Variants in DPP6 observed in about 807,000 individuals in gnomAD.
DPP6 encodes the protein A-type potassium channel modulatory protein DPP6.
Under a neutral mutation model 122.6 loss-of-function variants are expected in DPP6, and 69 were observed. The ratio of observed to expected loss-of-function variants is 0.56; its 90% confidence interval spans 0.46 to 0.69. DPP6 has a LOEUF of 0.69. Ranked by LOEUF, DPP6 falls within the 30% of genes least tolerant of loss-of-function variation. The pLI, the probability that DPP6 is intolerant of heterozygous loss-of-function variation, is 0.00. For synonymous variants in DPP6, 418 were observed against 433.1 expected (o/e 0.97, Z 0.43); for missense variants, 928 against 1,116.9 (o/e 0.83, Z 2.41).
At chr7:153,944,395 T>C (rs1801842130) in intron 1 of DPP6, among the ~76,000 whole-genome samples, 1 of 152,096 alleles carries the variant, frequency 6.6e-6, no homozygotes, top group South Asian at 2.1e-4. Flanking sequence ...TGCCGGGTCA[T>C]GTGATGTTGC....
chr7:154,414,472 G>C (rs1377848416), intron 1 of DPP6, among the ~76,000 whole-genome samples: 5 of 152,116 alleles, frequency 3.3e-5, no homozygotes, highest in African/African-American at 1.2e-4. Flanking sequence ...TCCCCATCTT[G>C]ATATCTAAAG....
At chr7:153,920,774 T>A (rs558702681) in intron 1 of DPP6, among the ~76,000 whole-genome samples, 1 of 152,110 alleles carries the variant, frequency 6.6e-6, no homozygotes, top group East Asian at 1.9e-4. Flanking sequence ...TTGGCCAGGC[T>A]GGTCTCGAAC....
At chr7:154,835,075 T>G (rs1800945095) in intron 16 of DPP6, among the ~76,000 whole-genome samples, 1 of 152,200 alleles carries the variant, frequency 6.6e-6, no homozygotes, top group Admixed American at 6.5e-5. Context: ...CCCTAAGACC[T>G]ACCTCTAGCT....
At chr7:154,885,902 GGAAGGAGA>G (rs1303485258) in intron 22 of DPP6, among the ~76,000 whole-genome samples, 158 bp downstream of exon 22, 12 of 152,198 alleles carry the variant, frequency 7.9e-5, no homozygotes, top group Non-Finnish European at 1.6e-4. Context: ...AAGAACCCGG[GGAAGGAGA>G]GGGAAGGGTC....
chr7:153,783,047 G>A, the DPP6 span, among the ~76,000 whole-genome samples: 3 of 152,178 alleles, frequency 2.0e-5, no homozygotes, highest in African/African-American at 7.2e-5. Flanking sequence ...TCTTTACTTT[G>A]TGAAATTAAA....
intron 1 of DPP6, among the ~76,000 whole-genome samples, chr7:154,246,015 CATAAT>C (rs1170886946): frequency 7.2e-5 from 11 of 152,238 alleles, no homozygotes; most frequent in African/African-American, 2.6e-4. Flanking sequence ...TATGTTGACA[CATAAT>C]ATAACAAGTA....
At chr7:154,870,017 TC>T (rs1563304201) in intron 18 of DPP6, among the ~76,000 whole-genome samples, 1 of 151,748 alleles carries the variant, frequency 6.6e-6, no homozygotes, top group African/African-American at 2.4e-5. Flanking sequence ...TCTCACTCTG[TC>T]CCCCAGGCTA....
chr7:154,277,409 C>A, intron 1 of DPP6, among the ~76,000 whole-genome samples: 1 of 152,148 alleles, frequency 6.6e-6, no homozygotes, highest in East Asian at 1.9e-4. Flanking sequence ...CATTCGTACA[C>A]AAATAGAAGG....
chr7:154,763,336 A>AAAGGAAGG (rs771988185), intron 8 of DPP6, among the ~76,000 whole-genome samples: 1 of 145,068 alleles, frequency 6.9e-6, no homozygotes. Flanking sequence ...CATCTCAAAA[A>AAAGGAAGG]AAGGAAGGAA....
intron 2 of DPP6, among the ~76,000 whole-genome samples, chr7:154,459,686 G>A (rs1480506063): frequency 2.3e-4 from 34 of 151,012 alleles, no homozygotes; most frequent in African/African-American, 4.6e-4. Flanking sequence ...GCGTCATGGC[G>A]CGTGCCTGTA....
At chr7:154,773,416 T>C (rs1796371980) in intron 10 of DPP6, among the ~76,000 whole-genome samples, 1 of 152,254 alleles carries the variant, frequency 6.6e-6, no homozygotes, top group Admixed American at 6.5e-5. Flanking sequence ...AACAATGTTA[T>C]TGAGTTATTA....
At chr7:154,175,600 T>G (rs1280460795) in intron 1 of DPP6, among the ~76,000 whole-genome samples, 1 of 152,176 alleles carries the variant, frequency 6.6e-6, no homozygotes, top group East Asian at 1.9e-4. Context: ...ATAGTGGGTG[T>G]TGCCTTAAGA....
chr7:153,818,242 A>C, the DPP6 span, among the ~76,000 whole-genome samples: 1 of 152,166 alleles, frequency 6.6e-6, no homozygotes, highest in Non-Finnish European at 1.5e-5. Context: ...TCACGGTGGC[A>C]AAAGTGGCAG....
intron 4 of DPP6, among the ~76,000 whole-genome samples, chr7:154,562,400 A>G (rs753675879): frequency 6.6e-6 from 1 of 152,172 alleles, no homozygotes; most frequent in Non-Finnish European, 1.5e-5. Flanking sequence ...TTAAACATAC[A>G]TTCATTATAA....
chr7:154,704,021 T>C (rs1586922042), intron 7 of DPP6, among the ~76,000 whole-genome samples: 2 of 152,302 alleles, frequency 1.3e-5, no homozygotes, highest in East Asian at 1.9e-4. Flanking sequence ...GCAAAGTACA[T>C]TGAAAGCCTT....
chr7:154,095,509 T>G (rs1391474974), intron 1 of DPP6: 1 of 141,156 alleles, frequency 7.1e-6, no homozygotes, highest in Non-Finnish European at 1.6e-5. Flanking sequence ...TCAAATAATG[T>G]TTTTCCCCTA....
chr7:153,959,105 G>A (rs950114212), intron 1 of DPP6, among the ~76,000 whole-genome samples: 14 of 152,014 alleles, frequency 9.2e-5, no homozygotes, highest in East Asian at 5.8e-4. Flanking sequence ...CCTCCTCTCC[G>A]TTCCCATCCG....
the DPP6 span, among the ~76,000 whole-genome samples, chr7:153,760,367 T>C: frequency 1.8e-4 from 28 of 152,342 alleles, no homozygotes; most frequent in East Asian, 5.4e-3. Flanking sequence ...TTGCAGCAGC[T>C]CTGGGTCAAT....
chr7:154,423,359 A>G (rs1817640867), intron 1 of DPP6, among the ~76,000 whole-genome samples: 2 of 152,146 alleles, frequency 1.3e-5, no homozygotes, highest in Admixed American at 6.6e-5. Context: ...TTAGGATTCC[A>G]TCCTCCCACA....
Sources: gnomAD v4.1 joint callset for allele counts (sites outside exome capture counted in the v4.1 genomes callset) on GRCh38, gnomAD v4.1.1 for gene constraint, MANE v1.5 for transcripts, NCBI Gene and HGNC (gene_info 2026-07-23, HGNC 2026-07-21) for gene names.